VPS13B: variants seen among roughly 807,000 people sequenced by gnomAD.
VPS13B encodes the protein vacuolar protein sorting 13 homolog B.
Under a neutral mutation model 426.4 loss-of-function variants are expected in VPS13B, and 285 were observed. The observed-to-expected ratio is 0.67, with a 90% CI of 0.61 to 0.74. The LOEUF (loss-of-function observed/expected upper bound fraction) is 0.74. Ranked by LOEUF, VPS13B falls within the 30% of genes least tolerant of loss-of-function variation. The pLI is 0.00. For synonymous variants in VPS13B, 1,676 were observed against 1,676.4 expected, an observed-to-expected ratio of 1.00 and a Z score of 0.01; for missense variants, 4,537 against 4,782.6, an observed-to-expected ratio of 0.95 and a Z score of 1.51.
intron 43 of VPS13B, among the ~76,000 whole-genome samples, chr8:99,792,335 G>A (rs1479846997): frequency 3.3e-5 from 5 of 152,216 alleles, no homozygotes; most frequent in Non-Finnish European, 7.3e-5. Flanking sequence ...CTAATCCAAA[G>A]ATGACCCAGA....
chr8:99,653,723 G>A (rs1829913614), intron 34 of VPS13B, among the ~76,000 whole-genome samples: 1 of 152,064 alleles, frequency 6.6e-6, no homozygotes, highest in Non-Finnish European at 1.5e-5. Flanking sequence ...GAAAGACTTG[G>A]TTCTAAAAGT....
At chr8:99,472,706 A>G (rs1214433545) in intron 24 of VPS13B, among the ~76,000 whole-genome samples, 1 of 152,026 alleles carries the variant, frequency 6.6e-6, no homozygotes, top group Non-Finnish European at 1.5e-5. Context: ...GGAACAGTTA[A>G]CAAAAAAGTG....
chr8:99,831,303 C>A (rs1815044676), intron 51 of VPS13B, among the ~76,000 whole-genome samples: 1 of 151,970 alleles, frequency 6.6e-6, no homozygotes, highest in Non-Finnish European at 1.5e-5. Flanking sequence ...AAACTCCTGA[C>A]CTCGTGATCC....
chr8:99,249,291 G>A (rs1817381009), intron 17 of VPS13B, among the ~76,000 whole-genome samples: 1 of 152,010 alleles, frequency 6.6e-6, no homozygotes, highest in African/African-American at 2.4e-5. Context: ...GGACATATTT[G>A]TTGTTTCCAG....
intron 25 of VPS13B, among the ~76,000 whole-genome samples, chr8:99,496,769 C>T (rs1010097910): frequency 7.4e-4 from 113 of 152,132 alleles, no homozygotes; most frequent in African/African-American, 2.6e-3. Flanking sequence ...ACTTTCATAA[C>T]CTGTATGTCT....
chr8:99,517,594 T>G (rs1275144594), intron 29 of VPS13B, among the ~76,000 whole-genome samples: 3 of 152,184 alleles, frequency 2.0e-5, no homozygotes, highest in Non-Finnish European at 4.4e-5. Context: ...TTACATTATG[T>G]GCAGTTACTA....
At chr8:99,367,503 G>C (rs1812954257) in intron 19 of VPS13B, among the ~76,000 whole-genome samples, 1 of 152,206 alleles carries the variant, frequency 6.6e-6, no homozygotes, top group East Asian at 1.9e-4. Flanking sequence ...TTGGTGTTCT[G>C]TAAACCTCTT....
intron 2 of VPS13B, among the ~76,000 whole-genome samples, chr8:99,029,475 C>T (rs1476800385): frequency 1.3e-5 from 2 of 152,116 alleles, no homozygotes; most frequent in African/African-American, 4.8e-5. Context: ...GCACTCCAGC[C>T]TGGGCACCAT....
chr8:99,376,184 A>G (rs1039945236), intron 19 of VPS13B, among the ~76,000 whole-genome samples: 4 of 152,238 alleles, frequency 2.6e-5, no homozygotes, highest in African/African-American at 7.2e-5. Context: ...ATTAAACAGA[A>G]TAAAATACTG....
intron 3 of VPS13B, among the ~76,000 whole-genome samples, chr8:99,053,470 A>G (rs1843672152): frequency 6.6e-6 from 1 of 151,644 alleles, no homozygotes; most frequent in South Asian, 2.1e-4. Flanking sequence ...AAGGACATGA[A>G]CTCATCATTT....
At chr8:99,415,188 T>C (rs961887648) in intron 21 of VPS13B, among the ~76,000 whole-genome samples, 2 of 151,796 alleles carry the variant, frequency 1.3e-5, no homozygotes, top group African/African-American at 4.8e-5. Context: ...TTTCTTCTGC[T>C]TGATTGATTT....
At chr8:99,857,386 G>A (rs1816603963) in intron 56 of VPS13B, among the ~76,000 whole-genome samples, 1 of 152,152 alleles carries the variant, frequency 6.6e-6, no homozygotes, top group African/African-American at 2.4e-5. Context: ...GAATTAAGAT[G>A]TTTCTAGACC....
At chr8:99,507,323 C>A in intron 28 of VPS13B, 120 bp downstream of exon 28, 1 of 1,059,290 alleles carries the variant, frequency 9.4e-7, no homozygotes, top group Non-Finnish European at 1.4e-6. Flanking sequence ...TCTTATTAGC[C>A]TGTTTCTTCA....
At chr8:99,281,937 C>T (rs1210077983) in intron 19 of VPS13B, among the ~76,000 whole-genome samples, 2 of 152,058 alleles carry the variant, frequency 1.3e-5, no homozygotes, top group East Asian at 1.9e-4. Context: ...TCTTTCTGTC[C>T]ATTTTTTTTT....
intron 23 of VPS13B, among the ~76,000 whole-genome samples, chr8:99,449,528 T>G (rs1818086346): frequency 6.6e-6 from 1 of 151,930 alleles, no homozygotes; most frequent in African/African-American, 2.4e-5. Context: ...GAGTGACAAA[T>G]GAAGTGGGAT....
At chr8:99,490,715 G>A (rs1054799540) in intron 25 of VPS13B, among the ~76,000 whole-genome samples, 1 of 152,096 alleles carries the variant, frequency 6.6e-6, no homozygotes, top group African/African-American at 2.4e-5. Context: ...TTCTCTGATG[G>A]TAGTTTGTAT....
At chr8:99,059,917 G>A (rs767712766) in intron 3 of VPS13B, among the ~76,000 whole-genome samples, 2 of 151,138 alleles carry the variant, frequency 1.3e-5, no homozygotes, top group Non-Finnish European at 3.0e-5. Context: ...ATTTTTTTTC[G>A]TAGAGACGGG....
chr8:99,299,008 C>G (rs1820195485), intron 19 of VPS13B, among the ~76,000 whole-genome samples: 1 of 150,396 alleles, frequency 6.6e-6, no homozygotes, highest in Admixed American at 6.6e-5. Flanking sequence ...GAGTTTCAGT[C>G]CTGCCACATT....
intron 31 of VPS13B, among the ~76,000 whole-genome samples, chr8:99,564,696 C>G (rs2133784349): frequency 6.6e-6 from 1 of 152,316 alleles, no homozygotes; most frequent in South Asian, 2.1e-4. Flanking sequence ...TAAGGTTCCT[C>G]TTTTGCAAAA....
Sources: allele counts gnomAD v4.1 joint callset (sites outside exome capture counted in the v4.1 genomes callset), GRCh38; gene constraint gnomAD v4.1.1; transcripts MANE v1.5; gene names NCBI Gene and HGNC (gene_info 2026-07-23, HGNC 2026-07-21).